Variants in DBT observed in about 807,000 individuals in gnomAD.
DBT encodes the protein lipoamide acyltransferase component of branched-chain alpha-keto acid dehydrogenase complex, mitochondrial.
In DBT, 40 loss-of-function variants were observed where a neutral mutation model predicts 51.3. That is an observed-to-expected ratio of 0.78 (90% CI 0.61 to 1.02). The LOEUF is 1.02. DBT is among the 50% of genes least tolerant of loss of function. The pLI is 0.00. For missense variants in DBT, 510 were observed against 580.2 expected (o/e 0.88, Z 1.24); for synonymous variants, 181 against 190.4 (o/e 0.95, Z 0.41).
At chr1:100,213,763 C>G (rs1435382685) in intron 7 of DBT, 5 of 1,512,474 alleles carry the variant, frequency 3.3e-6, no homozygotes, top group Non-Finnish European at 4.4e-6. Flanking sequence ...AGCTTCAGGA[C>G]TGTTTTGTAA....
At chr1:100,243,550 C>G (rs1664356160) in intron 1 of DBT, among the ~76,000 whole-genome samples, 1 of 152,028 alleles carries the variant, frequency 6.6e-6, no homozygotes, top group African/African-American at 2.4e-5. Flanking sequence ...TCGACCTCCT[C>G]AGCTCAGGCA....
rs1162401280 is a variant in DBT, at chr1:100,244,063, C to CAAA, written c.52-3182_52-3180dup. ...AGGCAACAAGAGCAAAATTCTATCT[C>CAAA]AAAAAAAAAAAAAAAAAAAAAGGAG... On this transcript the variant is annotated intron_variant, in intron 1 of 10. Coordinates refer to ENST00000370132, the MANE Select transcript of DBT (RefSeq NM_001918.5). Among the ~76,000 whole-genome samples, 46 of 78,944 alleles carry CAAA rather than the reference C, an allele frequency of 5.8e-4. 1 individual carries two copies. Among genetic ancestry groups the CAAA allele is most frequent in the East Asian group, 5.2e-3 (15 of 2,890 alleles). 51.8% of individuals were successfully genotyped at this position (78,944 alleles called of 152,430 possible). A position where few individuals can be genotyped will look rare whatever the true frequency, so the allele number is the denominator to read the frequency against.
chr1:100,201,861 A>C (rs1317605207), intron 10 of DBT, among the ~76,000 whole-genome samples: 1 of 152,176 alleles, frequency 6.6e-6, no homozygotes, highest in African/African-American at 2.4e-5. Context: ...ATGCTGACAG[A>C]TTTTGTCACC....
intron 4 of DBT, among the ~76,000 whole-genome samples, chr1:100,230,038 T>C (rs1311358450): frequency 2.7e-5 from 4 of 148,392 alleles, no homozygotes; most frequent in African/African-American, 1.0e-4. Flanking sequence ...ACAAGAGTGC[T>C]TTTTTTTTTG....
intron 3 of DBT, 104 bp from the exon 4 acceptor site, chr1:100,231,018 C>A: frequency 1.3e-6 from 1 of 747,734 alleles, no homozygotes; most frequent in East Asian, 2.6e-5. Flanking sequence ...TCATCTAGCC[C>A]AGCATTTACT....
At chr1:100,241,359 A>G (rs545021845) in intron 1 of DBT, among the ~76,000 whole-genome samples, 2 of 129,774 alleles carry the variant, frequency 1.5e-5, no homozygotes, top group African/African-American at 6.1e-5. Context: ...TAAGTGTCTG[A>G]AAGGTATTGT....
At chr1:100,232,552 G>A (rs1663607924) in intron 3 of DBT, among the ~76,000 whole-genome samples, 1 of 152,130 alleles carries the variant, frequency 6.6e-6, no homozygotes, top group South Asian at 2.1e-4. Context: ...GTGTTGATGT[G>A]CTTTATGATG....
At chr1:100,240,641 C>T (rs141981776) in intron 2 of DBT, 120 bp downstream of exon 2, 32 of 809,128 alleles carry the variant, frequency 4.0e-5, no homozygotes, top group African/African-American at 3.1e-4. Flanking sequence ...GGGAAGGGCC[C>T]GGCTAGAAAT....
In DBT at chr1:100,190,617, G is replaced by A. The variant is rs886044944; in HGVS notation, c.*5638C>T. 2 of 152,248 alleles carry A rather than the reference G, an allele frequency of 1.3e-5. No individual in the cohort carries two copies. The highest frequency in any genetic ancestry group is 4.8e-5 in the African/African-American group (2 of 41,408). The allele number at this position is 152,248 out of a possible 1,614,324, so 9.4% of individuals were successfully genotyped here. The stretch of plus-strand genomic sequence containing the variant: ...TGAAGGATCAAAGTGGGGCAATGGG[G>A]GTTCAACATGGGGCAGGGATCAGGA... On this transcript the variant is annotated 3_prime_UTR_variant, in exon 11 of 11. Transcript: ENST00000370132.
intron 10 of DBT, among the ~76,000 whole-genome samples, chr1:100,200,600 C>T (rs1006449415): frequency 1.4e-4 from 22 of 152,222 alleles, no homozygotes; most frequent in African/African-American, 4.8e-4. Context: ...GACCCCCATG[C>T]CTCCTGACGG....
chr1:100,207,673 TA>T lies in DBT; in HGVS notation c.1018-1038del, dbSNP rs555569974. ...TCCATCTCTACAAAAAAATTTTTTT[TA>T]ATTAGCTACAAAAATTTTTTTTTAA... is the stretch of plus-strand genomic sequence containing the variant. On this transcript the variant is annotated intron_variant, in intron 8 of 10. Coordinates refer to ENST00000370132, the MANE Select transcript of DBT (RefSeq NM_001918.5). 1.5e-3 allele frequency among the ~76,000 whole-genome samples: 229 copies of T among 152,050 alleles called. 2 individuals carry two copies. The Middle Eastern group carries it at 0.048, about 32-fold the overall frequency.
chr1:100,232,204 C>A, intron 3 of DBT, among the ~76,000 whole-genome samples: 1 of 152,276 alleles, frequency 6.6e-6, no homozygotes, highest in Middle Eastern at 3.4e-3. Context: ...GTTTGATAGA[C>A]TGGGTATATT....
chr1:100,190,248 T>C lies in DBT; in HGVS notation c.*6007A>G, dbSNP rs1660748683. On this transcript the variant is annotated 3_prime_UTR_variant, in exon 11 of 11. Coordinates refer to ENST00000370132, the MANE Select transcript of DBT (RefSeq NM_001918.5). Reference sequence around the variant, plus strand: ...TGGAACACTGGCTCCTTCTATCTTGTGTGGTGCCATCTTCAACCTTGAAGG... The same window carrying C: ...TGGAACACTGGCTCCTTCTATCTTGCGTGGTGCCATCTTCAACCTTGAAGG... 6.6e-6 allele frequency: 1 copy of C among 152,246 alleles called. No individual in the cohort carries two copies. The highest frequency in any genetic ancestry group is 2.4e-5 in the African/African-American group (1 of 41,464). The allele number at this position is 152,246 out of a possible 1,614,324, so 9.4% of individuals were successfully genotyped here. A position where few individuals can be genotyped will look rare whatever the true frequency, so the allele number is the denominator to read the frequency against.
rs1660930874 is a variant in DBT, at chr1:100,193,870, G to A, written c.*2385C>T. The A allele has an allele frequency of 6.6e-6, 1 of 152,232 alleles. No individual in the cohort carries two copies. The highest frequency in any genetic ancestry group is 2.4e-5 in the African/African-American group (1 of 41,456). 9.4% of individuals were successfully genotyped at this position (152,232 alleles called of 1,614,324 possible). On this transcript the variant is annotated 3_prime_UTR_variant, in exon 11 of 11. Coordinates refer to ENST00000370132, the MANE Select transcript of DBT (RefSeq NM_001918.5). ...CCTGCCTTGGCCTCCCAAAGTGGTA[G>A]GATTACAGGCGTGAGCCACCACACC... is the stretch of plus-strand genomic sequence containing the variant.
intron 10 of DBT, among the ~76,000 whole-genome samples, chr1:100,204,125 A>T (rs967805466): frequency 6.6e-6 from 1 of 152,332 alleles, no homozygotes; most frequent in Admixed American, 6.5e-5. Flanking sequence ...AAGAGAAAGA[A>T]ATAAAGCATA....
chr1:100,217,654 A>G (rs1367999297), intron 5 of DBT, among the ~76,000 whole-genome samples: 1 of 152,238 alleles, frequency 6.6e-6, no homozygotes, highest in African/African-American at 2.4e-5. Context: ...AAAAGAGACA[A>G]ACAAAAAGTC....
chr1:100,225,936 C>T (rs1663172626), intron 4 of DBT, among the ~76,000 whole-genome samples: 1 of 151,610 alleles, frequency 6.6e-6, no homozygotes, highest in Non-Finnish European at 1.5e-5. Flanking sequence ...GAATTCAAGG[C>T]TATAATGAGC....
chr1:100,219,931 G>A, intron 4 of DBT, among the ~76,000 whole-genome samples: 1 of 152,086 alleles, frequency 6.6e-6, no homozygotes, highest in East Asian at 1.9e-4. Context: ...AATTGCTTGA[G>A]GCCAGGAGTT....
intron 8 of DBT, among the ~76,000 whole-genome samples, chr1:100,207,573 A>G (rs1177976634): frequency 1.3e-5 from 2 of 152,058 alleles, no homozygotes; most frequent in Admixed American, 6.6e-5. Context: ...TATAATCCCA[A>G]CACTTTGGGA....
Sources: allele counts gnomAD v4.1 joint callset (sites outside exome capture counted in the v4.1 genomes callset), GRCh38; gene constraint gnomAD v4.1.1; transcripts MANE v1.5; gene names NCBI Gene and HGNC (gene_info 2026-07-23, HGNC 2026-07-21).